The following PLLP variants were observed in gnomAD, a reference collection of about 807,000 sequenced individuals.
PLLP encodes the protein plasmolipin.
Under a neutral mutation model 19.7 loss-of-function variants are expected in PLLP, and 15 were observed. The ratio of observed to expected loss-of-function variants is 0.76; its 90% CI spans 0.51 to 1.17. The LOEUF is 1.17. PLLP is among the 50% of genes most tolerant of loss of function. The pLI is 0.00. For missense variants in PLLP, 255 were observed against 258.3 expected (o/e 0.99, Z 0.09); for synonymous variants, 111 against 116.3 (o/e 0.95, Z 0.29).
At chr16:57,259,764 G>A (rs2075436405) in intron 2 of PLLP, among the ~76,000 whole-genome samples, 1 of 152,138 alleles carries the variant, frequency 6.6e-6, no homozygotes, top group Non-Finnish European at 1.5e-5. Flanking sequence ...ATCACTTGAG[G>A]TCAGAAGTTA....
intron 1 of PLLP, among the ~76,000 whole-genome samples, chr16:57,270,184 C>T (rs911563196): frequency 1.3e-5 from 2 of 151,576 alleles, no homozygotes; most frequent in African/African-American, 4.9e-5. Context: ...ACACAGTCCC[C>T]GAGTCTATCC....
chr16:57,263,876 T>A (rs944361305), intron 1 of PLLP, among the ~76,000 whole-genome samples: 1 of 152,158 alleles, frequency 6.6e-6, no homozygotes, highest in Admixed American at 6.5e-5. Context: ...GTCCTCTTTT[T>A]CCCCTGGTCA....
At chr16:57,275,506 C>A (rs536957776) in intron 1 of PLLP, among the ~76,000 whole-genome samples, 19 of 151,524 alleles carry the variant, frequency 1.3e-4, no homozygotes, top group African/African-American at 4.4e-4. Flanking sequence ...TTAATACATT[C>A]CAGACAGATA....
chr16:57,266,163 C>T (rs1368053535), intron 1 of PLLP, among the ~76,000 whole-genome samples: 3 of 152,188 alleles, frequency 2.0e-5, no homozygotes, highest in African/African-American at 7.2e-5. Flanking sequence ...CCAGTCTGGG[C>T]TGGGCACCCA....
At chr16:57,282,408 A>AT (rs796727236) in intron 1 of PLLP, among the ~76,000 whole-genome samples, 56 of 144,572 alleles carry the variant, frequency 3.9e-4, no homozygotes, top group Middle Eastern at 3.5e-3. Context: ...ATGCCTGGCT[A>AT]TTTTTTTTTT....
In PLLP at chr16:57,284,642, C is replaced by G; in HGVS notation, c.-102G>C. 1 of 1,144,904 alleles carries G rather than the reference C, an allele frequency of 8.7e-7. No individual in the cohort carries two copies. Among genetic ancestry groups the G allele is most frequent in the Admixed American group, 4.2e-5 (1 of 24,090 alleles). 70.9% of individuals were successfully genotyped at this position (1,144,904 alleles called of 1,614,324 possible). ...CGCTTTTCCCCCAGGCTCCGGATCC[C>G]TGTGTGGCTCCAGGCGCTGCAGGAG... On this transcript the variant is annotated 5_prime_UTR_variant, in exon 1 of 4. Coordinates refer to ENST00000219207, the MANE Select transcript of PLLP (RefSeq NM_015993.3).
chr16:57,264,552 G>A (rs528147053), intron 1 of PLLP, among the ~76,000 whole-genome samples: 2 of 152,334 alleles, frequency 1.3e-5, no homozygotes, highest in South Asian at 4.1e-4. Context: ...TATTAAAAGA[G>A]GAAGCAGTGG....
At position 57,261,912 on chromosome 16, in the gene PLLP, AAC is replaced by A; in HGVS notation, c.292_293del (p.Val98SerfsTer10). 6.2e-7 allele frequency: 1 copy of A among 1,614,060 alleles called. No individual in the cohort carries two copies. Among genetic ancestry groups the A allele is most frequent in the Non-Finnish European group, 8.5e-7 (1 of 1,179,970 alleles). On this transcript the variant is annotated frameshift_variant, in exon 2 of 4. Transcript: ENST00000219207. LOFTEE classifies it high-confidence loss of function. ...CCAGACTCACCACCAGTGGCCAGGG[AAC>A]CATGTACAACTTCATGTGCAGCTGA... Reference protein sequence around the residue: ...LFQLHMKLYMVPWPLVLMIFN... With the variant: ...LFQLHMKLYMXPWPLVLMIFN...
chr16:57,275,603 C>CAAAAAAAAAAAAAAAAACAAAA (rs34400512), intron 1 of PLLP, among the ~76,000 whole-genome samples: 1 of 22,316 alleles, frequency 4.5e-5, no homozygotes, highest in Non-Finnish European at 9.2e-5. Context: ...AGAAATTCAG[C>CAAAAAAAAAAAAAAAAACAAAA]AAAAAAAAAA....
chr16:57,258,255 C>G (rs1567528460), intron 3 of PLLP, among the ~76,000 whole-genome samples: 1 of 151,972 alleles, frequency 6.6e-6, no homozygotes, highest in Non-Finnish European at 1.5e-5. Context: ...ATAGTTAACC[C>G]AAAACTTCCA....
intron 1 of PLLP, among the ~76,000 whole-genome samples, chr16:57,272,075 C>T (rs768558190): frequency 1.2e-4 from 18 of 152,198 alleles, no homozygotes; most frequent in African/African-American, 3.1e-4. Flanking sequence ...CTCCTGCCCC[C>T]GCAACTACCC....
In PLLP at chr16:57,258,359, C is replaced by T. The variant is rs11861601; in HGVS notation, c.432+103G>A. ...ACCCACTGAGTGTTCAGGTGACAAC[C>T]CCTCAGGAGGTGGCAGGTGCCTGGC... On this transcript the variant is annotated intron_variant, in intron 3 of 3. Coordinates refer to ENST00000219207, the MANE Select transcript of PLLP (RefSeq NM_015993.3). 3.0e-3 allele frequency: 3,649 copies of T among 1,215,216 alleles called. 75 individuals carry two copies. The African/African-American group carries it at 0.037, about 12-fold the overall frequency. The allele number at this position is 1,215,216 out of a possible 1,614,324, so 75.3% of individuals were successfully genotyped here.
intron 1 of PLLP, among the ~76,000 whole-genome samples, chr16:57,269,171 T>A (rs2075466716): frequency 6.6e-6 from 1 of 152,188 alleles, no homozygotes; most frequent in African/African-American, 2.4e-5. Flanking sequence ...TGGCTTGCTG[T>A]TCTCTGAGAT....
intron 1 of PLLP, among the ~76,000 whole-genome samples, chr16:57,262,274 G>C (rs1567529386): frequency 6.6e-6 from 1 of 152,034 alleles, no homozygotes; most frequent in South Asian, 2.1e-4. Context: ...AATTAAGGCC[G>C]GGCGCAGTGG....
At chr16:57,262,209 G>A in intron 1 of PLLP, 139 bp from the exon 2 acceptor site, 1 of 775,834 alleles carries the variant, frequency 1.3e-6, no homozygotes, top group South Asian at 1.7e-5. Flanking sequence ...ATCGCTGGAG[G>A]CCAGGAGTTC....
intron 1 of PLLP, among the ~76,000 whole-genome samples, chr16:57,265,551 C>CA (rs1358060380): frequency 6.6e-6 from 1 of 152,240 alleles, no homozygotes. Flanking sequence ...ATATGCCTAT[C>CA]AATCACCTGT....
intron 1 of PLLP, among the ~76,000 whole-genome samples, chr16:57,266,430 C>T (rs1185565718): frequency 5.9e-5 from 9 of 152,192 alleles, no homozygotes; most frequent in African/African-American, 2.2e-4. Flanking sequence ...GAGCCCCCAG[C>T]CCAGTCCCCC....
Position 57,256,759 on chromosome 16 carries a change from T to C in PLLP, c.*154A>G. On this transcript the variant is annotated 3_prime_UTR_variant, in exon 4 of 4. Coordinates refer to ENST00000219207, the MANE Select transcript of PLLP (RefSeq NM_015993.3). ...CAGCCTGGGCCTGCTTCCTTAGCGC[T>C]GTGAGAGCTTATGTCTGACGGGCAG... 6.6e-6 allele frequency: 4 copies of C among 603,872 alleles called. No individual in the cohort carries two copies. 37.4% of individuals were successfully genotyped at this position (603,872 alleles called of 1,614,324 possible).
chr16:57,272,045 C>A (rs2075477533), intron 1 of PLLP, among the ~76,000 whole-genome samples: 1 of 152,156 alleles, frequency 6.6e-6, no homozygotes, highest in African/African-American at 2.4e-5. Flanking sequence ...CAGGTGGAGC[C>A]CTGCATTCAT....
Sources: gnomAD v4.1 joint callset for allele counts (sites outside exome capture counted in the v4.1 genomes callset) on GRCh38, gnomAD v4.1.1 for gene constraint, MANE v1.5 for transcripts, NCBI Gene and HGNC (gene_info 2026-07-23, HGNC 2026-07-21) for gene names.